The following HECTD4 variants were observed in gnomAD, a reference collection of about 807,000 sequenced individuals.
HECTD4 encodes HECT domain E3 ubiquitin protein ligase 4, also known as probable E3 ubiquitin-protein ligase HECTD4.
Under a neutral mutation model 471.5 loss-of-function variants are expected in HECTD4, and 114 were observed. That is an observed-to-expected ratio of 0.24 (90% CI 0.21 to 0.28). HECTD4 has a LOEUF of 0.28. Among genes scored for constraint, HECTD4 ranks in the 10% least tolerant of loss-of-function variants. HECTD4 has a pLI of 1.00. For synonymous variants in HECTD4, 2,012 were observed against 2,256.0 expected (o/e 0.89, Z 3.07); for missense variants, 3,866 against 5,651.5 (o/e 0.68, Z 10.13).
chr12:112,254,257 A>T (rs2033958665), intron 21 of HECTD4, 95 bp from the exon 22 acceptor site: 1 of 1,451,324 alleles, frequency 6.9e-7, no homozygotes, highest in Non-Finnish European at 9.4e-7. Context: ...TTAAAATACA[A>T]TTATAACCAG....
In HECTD4 at chr12:112,382,372, G is replaced by A. The variant is rs2036915087; in HGVS notation, c.-244C>T. The A allele has an allele frequency of 1.1e-5, 4 of 363,330 alleles. No individual in the cohort carries two copies. Among genetic ancestry groups the A allele is most frequent in the Middle Eastern group, 1.6e-3 (2 of 1,254 alleles). The allele number at this position is 363,330 out of a possible 1,614,324, so 22.5% of individuals were successfully genotyped here. A position where few individuals can be genotyped will look rare whatever the true frequency, so the allele number is the denominator to read the frequency against. On this transcript the variant is annotated 5_prime_UTR_variant, in exon 1 of 76. Coordinates refer to ENST00000682272, the MANE Select transcript of HECTD4 (RefSeq NM_001388303.1). ...CCGCCGCCGCCGCCCTCAGGAGCAGGATCCGCCTCTGCCGCTCGGCAACCA... is the reference window on the plus strand; with the variant it reads ...CCGCCGCCGCCGCCCTCAGGAGCAGAATCCGCCTCTGCCGCTCGGCAACCA...
intron 70 of HECTD4, among the ~76,000 whole-genome samples, chr12:112,168,747 G>A (rs1202241516): frequency 1.3e-5 from 2 of 152,246 alleles, no homozygotes; most frequent in East Asian, 3.9e-4. Context: ...TGGCTTTGTA[G>A]AGTCCCAGTT....
At position 112,238,607 on chromosome 12, in the gene HECTD4, A is replaced by G. The variant is rs191116555; in HGVS notation, c.5290+445T>C. On this transcript the variant is annotated intron_variant, in intron 34 of 75. Coordinates refer to ENST00000682272, the MANE Select transcript of HECTD4 (RefSeq NM_001388303.1). ...TTAGCTAGGCATGGTGAGTGCGCCTATAGTCCTACTTGGGAGGCTGTGGTC... is the reference window on the plus strand; with the variant it reads ...TTAGCTAGGCATGGTGAGTGCGCCTGTAGTCCTACTTGGGAGGCTGTGGTC... Among the ~76,000 whole-genome samples the G allele has an allele frequency of 2.3e-4, 35 of 152,280 alleles. 1 individual carries two copies. The East Asian group carries it at 4.6e-3, about 20-fold the overall frequency.
chr12:112,325,587 A>G (rs1344531919), intron 1 of HECTD4, among the ~76,000 whole-genome samples: 1 of 152,244 alleles, frequency 6.6e-6, no homozygotes, highest in Non-Finnish European at 1.5e-5. Flanking sequence ...ACATAAAACC[A>G]CTGCTCTTGA....
chr12:112,221,310 G>T (rs547611711), intron 44 of HECTD4, among the ~76,000 whole-genome samples: 3 of 152,214 alleles, frequency 2.0e-5, no homozygotes, highest in South Asian at 2.1e-4. Flanking sequence ...GGGCAGTGGT[G>T]CAATCACAGC....
At position 112,219,390 on chromosome 12, in the gene HECTD4, C is replaced by G; in HGVS notation, c.7070G>C (p.Arg2357Thr). 1.2e-6 allele frequency: 2 copies of G among 1,613,018 alleles called. No individual in the cohort carries two copies. The highest frequency in any genetic ancestry group is 1.7e-6 in the Non-Finnish European group (2 of 1,179,240). Reference sequence around the variant, plus strand: ...GAAGCACCGCAGAGGGCTCACCTGTCTTCGGTCAGCCTGCAAAGGAGGTGG... The same window carrying G: ...GAAGCACCGCAGAGGGCTCACCTGTGTTCGGTCAGCCTGCAAAGGAGGTGG... ...PPPPPLQADR[R>T]QPKEITWSPS... The change falls in exon 45 of 76, where the codon AGA (arginine) becomes ACA (threonine). Residue 2357 changes from arginine to threonine, a missense_variant. Physicochemically the swap from Arg to Thr is moderately conservative, Grantham distance 71. Transcript: ENST00000682272.
intron 52 of HECTD4, 72 bp downstream of exon 52, chr12:112,207,802 A>C: frequency 6.4e-7 from 1 of 1,553,802 alleles, no homozygotes; most frequent in Non-Finnish European, 8.8e-7. Context: ...CCTGATTTAC[A>C]TTCTGATTTT....
In HECTD4 at chr12:112,264,071, G is replaced by C. The variant is rs752218034; in HGVS notation, c.2748+13C>G. The stretch of plus-strand genomic sequence containing the variant: ...GGGTAGAACGCATCGTTAAAATAAA[G>C]CTTGGTGTTTACCTGTACCTTCAAT... On this transcript the variant is annotated intron_variant, in intron 17 of 75. Transcript: ENST00000682272. The C allele has an allele frequency of 8.7e-6, 14 of 1,605,436 alleles. No homozygotes were observed. The Admixed American group carries it at 2.4e-4, about 27-fold the overall frequency.
intron 43 of HECTD4, among the ~76,000 whole-genome samples, chr12:112,227,220 G>C (rs1203515291): frequency 6.6e-6 from 1 of 152,176 alleles, no homozygotes; most frequent in African/African-American, 2.4e-5. Flanking sequence ...AGCAATTTGG[G>C]AGACCAACGC....
intron 7 of HECTD4, among the ~76,000 whole-genome samples, chr12:112,286,149 C>T (rs1025008824): frequency 7.2e-5 from 11 of 152,180 alleles, no homozygotes; most frequent in African/African-American, 2.7e-4. Flanking sequence ...GGTAAATCTG[C>T]TGGAAATCCC....
chr12:112,186,975 G>A (rs2031889361), intron 60 of HECTD4, among the ~76,000 whole-genome samples: 1 of 148,988 alleles, frequency 6.7e-6, no homozygotes, highest in Admixed American at 6.7e-5. Context: ...GCCAAGGCTG[G>A]CATATTCTTT....
At position 112,185,206 on chromosome 12, in the gene HECTD4, A is replaced by C; in HGVS notation, c.9760T>G (p.Phe3254Val). Residue 3254 changes from phenylalanine to valine, a missense_variant, in exon 61 of 76, where the codon TTT becomes GTT. Phe to Val is a conservative substitution (Grantham distance 50). Around this residue, in one of 16 missense-constraint regions of HECTD4, gnomAD observed 38 missense variants for 72.1 expected, o/e 0.53. Coordinates refer to ENST00000682272, the MANE Select transcript of HECTD4 (RefSeq NM_001388303.1). The part of the protein sequence containing the change: ...AGDQGRFSTY[F>V]HALMEGCLAV... ...AGGCACCCTTCCATGAGTGCATGAA[A>C]ATACGTAGAGAACCTGCCCTGGTCA... is the stretch of plus-strand genomic sequence containing the variant. 1 of 1,551,432 alleles carries C rather than the reference A, an allele frequency of 6.4e-7. No individual in the cohort carries two copies. Among genetic ancestry groups the C allele is most frequent in the South Asian group, 1.2e-5 (1 of 84,080 alleles).
At chr12:112,348,644 C>T (rs1471056218) in intron 1 of HECTD4, among the ~76,000 whole-genome samples, 1 of 152,032 alleles carries the variant, frequency 6.6e-6, no homozygotes, top group Admixed American at 6.5e-5. Flanking sequence ...CGTATAGTCC[C>T]ACCTCCTTGG....
intron 1 of HECTD4, among the ~76,000 whole-genome samples, chr12:112,355,749 G>A (rs894359301): frequency 1.3e-5 from 2 of 152,028 alleles, no homozygotes; most frequent in Non-Finnish European, 2.9e-5. Flanking sequence ...GGGAGACAGC[G>A]AGACTCTGTC....
intron 1 of HECTD4, among the ~76,000 whole-genome samples, chr12:112,343,948 G>A (rs1311224372): frequency 6.6e-6 from 1 of 152,186 alleles, no homozygotes; most frequent in Non-Finnish European, 1.5e-5. Context: ...CAACATTGAT[G>A]TTTTTAAAAA....
At chr12:112,340,761 G>T (rs2036040824) in intron 1 of HECTD4, among the ~76,000 whole-genome samples, 1 of 152,120 alleles carries the variant, frequency 6.6e-6, no homozygotes, top group South Asian at 2.1e-4. Flanking sequence ...GAAAGCCCCT[G>T]TTTGCAAAAT....
In HECTD4 at chr12:112,250,224, C is replaced by A. The variant is rs760300484; in HGVS notation, c.3870G>T (p.Arg1290=). The A allele has an allele frequency of 6.2e-7, 1 of 1,613,920 alleles. No homozygotes were observed. Among genetic ancestry groups the A allele is most frequent in the Admixed American group, 1.7e-5 (1 of 60,018 alleles). Reference sequence around the variant, plus strand: ...TCATGATTCCTGGAGGCAGTCTGATCCGAGGCAGATCAAAGTAGTTTCCAA... The same window carrying A: ...TCATGATTCCTGGAGGCAGTCTGATACGAGGCAGATCAAAGTAGTTTCCAA... ...PPVGNYFDLP[R]IRLPPGIMIK... is the part of the protein sequence containing the mutation. Residue 1290 remains arginine, a synonymous_variant, in exon 25 of 76, where the codon CGG becomes CGT. Transcript: ENST00000682272.
At chr12:112,310,312 C>T (rs188485577) in intron 4 of HECTD4, among the ~76,000 whole-genome samples, 13 of 152,286 alleles carry the variant, frequency 8.5e-5, no homozygotes, top group Admixed American at 3.3e-4. Context: ...ATTTTCCATT[C>T]AGAGATCCTA....
intron 1 of HECTD4, among the ~76,000 whole-genome samples, chr12:112,358,663 GA>G (rs2036390560): frequency 6.6e-6 from 1 of 151,924 alleles, no homozygotes; most frequent in African/African-American, 2.4e-5. Context: ...CTAACATTTC[GA>G]ATCATAATTG....
Sources: allele counts gnomAD v4.1 joint callset (sites outside exome capture counted in the v4.1 genomes callset), GRCh38; gene constraint gnomAD v4.1.1; regional missense constraint gnomAD v4.1.1; transcripts MANE v1.5; gene names NCBI Gene and HGNC (gene_info 2026-07-23, HGNC 2026-07-21).